Variants in LARGE1 observed in about 807,000 individuals in gnomAD.
LARGE1 encodes the protein xylosyl- and glucuronyltransferase LARGE1.
Under a neutral mutation model 87.6 loss-of-function variants are expected in LARGE1, and 43 were observed. The ratio of observed to expected loss-of-function variants is 0.49; its 90% CI spans 0.38 to 0.63. LARGE1 has a LOEUF of 0.63. Ranked by LOEUF, LARGE1 falls within the 30% of genes least tolerant of loss-of-function variation. The pLI is 0.00. For synonymous variants in LARGE1, 434 were observed against 394.6 expected, an observed-to-expected ratio of 1.10 and a Z score of -1.18; for missense variants, 802 against 1,000.2, an observed-to-expected ratio of 0.80 and a Z score of 2.67.
intron 9 of LARGE1, among the ~76,000 whole-genome samples, chr22:33,374,812 A>G (rs956165662): frequency 3.3e-5 from 5 of 152,182 alleles, no homozygotes; most frequent in Non-Finnish European, 7.3e-5. Context: ...AAAATTCTAG[A>G]CATTATGTTG....
downstream of LARGE1, among the ~76,000 whole-genome samples, chr22:33,157,382 T>C (rs1921906600): frequency 6.6e-6 from 1 of 152,216 alleles, no homozygotes; most frequent in Non-Finnish European, 1.5e-5. Flanking sequence ...AACTCTTTAA[T>C]GTTTTCCCAC....
At chr22:33,683,687 G>A (rs2081852777) in intron 2 of LARGE1, among the ~76,000 whole-genome samples, 1 of 151,698 alleles carries the variant, frequency 6.6e-6, no homozygotes, top group Admixed American at 6.6e-5. Flanking sequence ...GGAGATAGAG[G>A]AAAACTGAGG....
chr22:33,587,825 G>C (rs1462309546), intron 5 of LARGE1, among the ~76,000 whole-genome samples: 2 of 150,550 alleles, frequency 1.3e-5, no homozygotes, highest in African/African-American at 2.4e-5. Flanking sequence ...TTTGTTTAAT[G>C]TTTCTGTTTT....
At chr22:33,330,911 T>C (rs1937620035) in intron 10 of LARGE1, among the ~76,000 whole-genome samples, 3 of 152,318 alleles carry the variant, frequency 2.0e-5, no homozygotes, top group South Asian at 4.1e-4. Flanking sequence ...AATTTCCGAA[T>C]CAGTGGGGAT....
At chr22:33,751,292 C>A (rs919579006) in intron 2 of LARGE1, among the ~76,000 whole-genome samples, 11 of 152,058 alleles carry the variant, frequency 7.2e-5, no homozygotes, top group Non-Finnish European at 2.9e-5. Flanking sequence ...ACCAGCCTGG[C>A]CAACATGGCG....
At chr22:33,645,171 C>T (rs190837890) in intron 3 of LARGE1, among the ~76,000 whole-genome samples, 160 of 152,212 alleles carry the variant, frequency 1.1e-3, no homozygotes, top group African/African-American at 3.7e-3. Context: ...TACAAGGCTA[C>T]AGTAACCAAA....
intron 2 of LARGE1, chr22:33,750,713 G>A (rs927482012): frequency 3.3e-5 from 5 of 152,050 alleles, no homozygotes; most frequent in African/African-American, 1.2e-4. Flanking sequence ...GTATTAATTA[G>A]AGCCGTGTCA....
intron 5 of LARGE1, among the ~76,000 whole-genome samples, chr22:33,572,431 C>T (rs989779635): frequency 2.6e-5 from 4 of 152,172 alleles, no homozygotes; most frequent in Non-Finnish European, 5.9e-5. Flanking sequence ...TGAATCCTGA[C>T]TCTACCACAA....
chr22:33,735,711 G>T (rs753638042), intron 2 of LARGE1, among the ~76,000 whole-genome samples: 2 of 152,054 alleles, frequency 1.3e-5, no homozygotes, highest in Non-Finnish European at 2.9e-5. Flanking sequence ...GGTTTTTAGG[G>T]TATTCAGAGT....
intron 11 of LARGE1, among the ~76,000 whole-genome samples, chr22:33,312,963 G>A (rs182439536): frequency 0.012 from 1,778 of 152,262 alleles, 11 homozygotes; most frequent in South Asian, 0.025. Flanking sequence ...CTGGGTGAGA[G>A]GCCAAAGGGA....
At chr22:33,641,832 A>G (rs2080443687) in intron 3 of LARGE1, among the ~76,000 whole-genome samples, 1 of 152,064 alleles carries the variant, frequency 6.6e-6, no homozygotes, top group African/African-American at 2.4e-5. Flanking sequence ...AGATTAAAGG[A>G]AAAAAAATGA....
At chr22:33,311,345 G>A (rs1223440374) in intron 11 of LARGE1, among the ~76,000 whole-genome samples, 1 of 152,210 alleles carries the variant, frequency 6.6e-6, no homozygotes, top group Non-Finnish European at 1.5e-5. Context: ...ACTTGGTTTT[G>A]TCTGTATTCT....
chr22:33,736,103 T>G (rs906596679), intron 2 of LARGE1, among the ~76,000 whole-genome samples: 1 of 152,212 alleles, frequency 6.6e-6, no homozygotes, highest in Non-Finnish European at 1.5e-5. Context: ...TTGAAAAATT[T>G]TGTACATGTT....
chr22:33,801,177 G>A (rs950703152), intron 1 of LARGE1, among the ~76,000 whole-genome samples: 3 of 152,016 alleles, frequency 2.0e-5, no homozygotes, highest in African/African-American at 7.3e-5. Flanking sequence ...ATGATTCTGG[G>A]GCCTCCCCAG....
intron 2 of LARGE1, among the ~76,000 whole-genome samples, chr22:33,699,889 G>T (rs2082356166): frequency 1.3e-5 from 2 of 152,162 alleles, no homozygotes; most frequent in Non-Finnish European, 1.5e-5. Flanking sequence ...AAGCACTCTT[G>T]ATCCCAGTCA....
chr22:33,779,600 T>C (rs412701), intron 1 of LARGE1, among the ~76,000 whole-genome samples: 137,067 of 151,880 alleles, frequency 0.9, 61,935 homozygotes, highest in East Asian at 0.97. Flanking sequence ...TCCAACATAG[T>C]GAAACCCCAT....
the LARGE1 span, among the ~76,000 whole-genome samples, chr22:33,152,457 C>T: frequency 1.1e-4 from 16 of 152,218 alleles, no homozygotes; most frequent in African/African-American, 3.1e-4. Flanking sequence ...GTTCCCAAAA[C>T]GCTAGCTCAC....
chr22:33,547,309 G>A (rs1253692419), intron 6 of LARGE1, among the ~76,000 whole-genome samples: 2 of 152,054 alleles, frequency 1.3e-5, no homozygotes, highest in African/African-American at 2.4e-5. Flanking sequence ...ATTTTCATAA[G>A]GTGCATGCAA....
intron 1 of LARGE1, among the ~76,000 whole-genome samples, chr22:33,766,285 A>C (rs1401582077): frequency 6.6e-6 from 1 of 152,014 alleles, no homozygotes; most frequent in Non-Finnish European, 1.5e-5. Flanking sequence ...CCTCTCCCTC[A>C]ACTCCAAGAT....
Sources: gnomAD v4.1 joint callset for allele counts (sites outside exome capture counted in the v4.1 genomes callset) on GRCh38, gnomAD v4.1.1 for gene constraint, MANE v1.5 for transcripts, NCBI Gene and HGNC (gene_info 2026-07-23, HGNC 2026-07-21) for gene names.